CFAP69: variants seen among roughly 807,000 people sequenced by gnomAD.
CFAP69 encodes the protein cilia and flagella associated protein 69.
CFAP69 carries 92 observed loss-of-function variants against 123.0 expected under a neutral mutation model. That is an observed-to-expected ratio of 0.75 (90% CI 0.63 to 0.89). The LOEUF is 0.89. Ranked by LOEUF, CFAP69 falls within the 40% of genes least tolerant of loss-of-function variation. The pLI is 0.00. For missense variants in CFAP69, 1,067 were observed against 1,096.9 expected, an observed-to-expected ratio of 0.97 and a Z score of 0.39; for synonymous variants, 380 against 364.3, an observed-to-expected ratio of 1.04 and a Z score of -0.49.
rs765623543 is a variant in CFAP69, at chr7:90,309,389, A to G, written c.2655+22A>G. The G allele has an allele frequency of 1.7e-4, 216 of 1,303,304 alleles. 1 individual carries two copies. In the East Asian group the frequency reaches 4.9e-3, roughly 30 times the overall value. 80.7% of individuals were successfully genotyped at this position (1,303,304 alleles called of 1,614,324 possible). ...AACGGTAAGATTCTTTCTCCATAACATTTTCTTAATAGACATTAAATTTAG... is the reference window on the plus strand; with the variant it reads ...AACGGTAAGATTCTTTCTCCATAACGTTTTCTTAATAGACATTAAATTTAG... On this transcript the variant is annotated intron_variant, in intron 22 of 22. Coordinates refer to ENST00000389297, the MANE Select transcript of CFAP69 (RefSeq NM_001039706.3).
At chr7:90,303,750 T>C (rs1269512627) in intron 17 of CFAP69, 3 of 1,112,654 alleles carry the variant, frequency 2.7e-6, no homozygotes, top group Non-Finnish European at 3.3e-6. Context: ...ATATTTTACA[T>C]AAACAATAAA....
At chr7:90,321,250 T>A in the CFAP69 span, 1 of 152,274 alleles carries the variant, frequency 6.6e-6, no homozygotes, top group African/African-American at 2.4e-5. Flanking sequence ...TGGCACTGGC[T>A]CACCGCGGGT....
intron 3 of CFAP69, among the ~76,000 whole-genome samples, chr7:90,259,853 A>T (rs905978678): frequency 6.6e-6 from 1 of 152,110 alleles, no homozygotes; most frequent in Non-Finnish European, 1.5e-5. Context: ...CAAATATTAG[A>T]TTGTTATAAA....
downstream of CFAP69, among the ~76,000 whole-genome samples, chr7:90,313,574 GA>G (rs1794509492): frequency 6.6e-6 from 1 of 152,154 alleles, no homozygotes; most frequent in Non-Finnish European, 1.5e-5. Context: ...TATGAGTCTG[GA>G]GCATCTTACT....
At chr7:90,264,104 A>AATATATATAT (rs71104454) in intron 4 of CFAP69, among the ~76,000 whole-genome samples, 1 of 48,890 alleles carries the variant, frequency 2.0e-5, no homozygotes, top group Non-Finnish European at 4.0e-5. Context: ...AAAAAAAAAA[A>AATATATATAT]ATATATATAT....
intron 15 of CFAP69, among the ~76,000 whole-genome samples, chr7:90,297,175 T>G (rs1792111449): frequency 6.6e-6 from 1 of 152,220 alleles, no homozygotes; most frequent in Non-Finnish European, 1.5e-5. Flanking sequence ...ATTTGGTATC[T>G]CATTGCTGTG....
chr7:90,309,344 C>T lies in CFAP69; in HGVS notation c.2632C>T (p.His878Tyr). The T allele has an allele frequency of 1.3e-6, 2 of 1,583,930 alleles. No homozygotes were observed. The highest frequency in any genetic ancestry group is 1.7e-6 in the Non-Finnish European group (2 of 1,161,348). The change falls in exon 22 of 23, where the codon CAT (histidine) becomes TAT (tyrosine). Residue 878 changes from histidine to tyrosine, a missense_variant. Coordinates refer to ENST00000389297, the MANE Select transcript of CFAP69 (RefSeq NM_001039706.3). ...ACAAAATGCAATATTTCACCAAACACATATTAAAGGCCTTAACACAACGGT... is the reference window on the plus strand; with the variant it reads ...ACAAAATGCAATATTTCACCAAACATATATTAAAGGCCTTAACACAACGGT... Reference protein sequence around the residue: ...RPQNAIFHQTHIKGLNTTVPS... With the variant: ...RPQNAIFHQTYIKGLNTTVPS...
At chr7:90,290,765 CTTTTCTTTT>C in intron 15 of CFAP69, among the ~76,000 whole-genome samples, 1 of 75,772 alleles carries the variant, frequency 1.3e-5, no homozygotes, top group South Asian at 4.5e-4. Context: ...CTTTTCTTTT[CTTTTCTTTT>C]CTTTTCTTTT....
intron 1 of CFAP69, among the ~76,000 whole-genome samples, chr7:90,252,359 T>C (rs1797133337): frequency 6.6e-6 from 1 of 152,188 alleles, no homozygotes; most frequent in African/African-American, 2.4e-5. Context: ...GTAAATCCTT[T>C]TTAAAATTAT....
intron 17 of CFAP69, chr7:90,302,486 G>A (rs202004735): frequency 2.0e-5 from 3 of 152,150 alleles, no homozygotes; most frequent in Non-Finnish European, 4.4e-5. Flanking sequence ...TCCAACTTGA[G>A]TTGATTTTTG....
rs144980991 is a variant in CFAP69, at chr7:90,309,339, A to G, written c.2627A>G (p.Gln876Arg). Residue 876 changes from glutamine to arginine, a missense_variant, in exon 22 of 23, where the codon CAA (glutamine) becomes CGA (arginine). Physicochemically the swap from Gln to Arg is conservative, Grantham distance 43. Coordinates refer to ENST00000389297, the MANE Select transcript of CFAP69 (RefSeq NM_001039706.3). The part of the protein sequence containing the change: ...HKRPQNAIFH[Q>R]THIKGLNTTV... ...CGACCACAAAATGCAATATTTCACC[A>G]AACACATATTAAAGGCCTTAACACA... The G allele has an allele frequency of 1.9e-4, 300 of 1,590,296 alleles. No individual in the cohort carries two copies. In the African/African-American group the frequency reaches 3.6e-3, roughly 19 times the overall value.
At chr7:90,316,393 A>G in the CFAP69 span, 1 of 152,220 alleles carries the variant, frequency 6.6e-6, no homozygotes, top group African/African-American at 2.4e-5. Context: ...GAATAGGACA[A>G]AAGAGAAATA....
At chr7:90,301,420 G>C (rs987890111) in intron 17 of CFAP69, 1 of 151,696 alleles carries the variant, frequency 6.6e-6, no homozygotes, top group African/African-American at 2.4e-5. Flanking sequence ...AGATTATTTT[G>C]TCACCCAGGT....
intron 15 of CFAP69, among the ~76,000 whole-genome samples, chr7:90,291,408 C>T: frequency 6.6e-6 from 1 of 152,084 alleles, no homozygotes; most frequent in South Asian, 2.1e-4. Context: ...ATGAGTTTTA[C>T]CTGGCTTATT....
chr7:90,262,433 A>T (rs951610113), intron 4 of CFAP69, among the ~76,000 whole-genome samples: 3 of 152,122 alleles, frequency 2.0e-5, no homozygotes, highest in Non-Finnish European at 4.4e-5. Context: ...AGTCTCAAAG[A>T]TATATTAGGT....
rs755639777 is a variant in CFAP69, at chr7:90,258,156, A to G, written c.239A>G (p.Asn80Ser). 1.3e-6 allele frequency: 2 copies of G among 1,595,026 alleles called. No homozygotes were observed. Among genetic ancestry groups the G allele is most frequent in the East Asian group, 2.2e-5 (1 of 44,648 alleles). ...FVKKLVQCYQNGLPLRDLAQI... is the reference protein window; with the variant it reads ...FVKKLVQCYQSGLPLRDLAQI... The stretch of plus-strand genomic sequence containing the variant: ...AAGAAACTGGTACAGTGTTATCAGA[A>G]TGGACTTGTATCCTTTACATATATA... Residue 80 changes from asparagine to serine, a missense_variant, in exon 3 of 23, where the codon AAT becomes AGT. Physicochemically the swap from Asn to Ser is conservative, Grantham distance 46 (BLOSUM62 1). Transcript: ENST00000389297.
At chr7:90,300,353 TATAG>T in intron 17 of CFAP69, 7 of 907,034 alleles carry the variant, frequency 7.7e-6, no homozygotes, top group Non-Finnish European at 9.3e-6. Context: ...TTTCTGCTTT[TATAG>T]ATAGATTCAA....
At position 90,286,279 on chromosome 7, in the gene CFAP69, A is replaced by C. The variant is rs1790264608; in HGVS notation, c.1538-2A>C. ...TACAGTCTTTAAATGTTTTCATACC[A>C]GGAATCTTTAAAAATATAATAAGCA... On this transcript the variant is annotated splice_acceptor_variant, in intron 13 of 22. Coordinates refer to ENST00000389297, the MANE Select transcript of CFAP69 (RefSeq NM_001039706.3). LOFTEE classifies it high-confidence loss of function. 6.3e-6 allele frequency: 10 copies of C among 1,591,690 alleles called. No homozygotes were observed. Among genetic ancestry groups the C allele is most frequent in the Non-Finnish European group, 6.9e-6 (8 of 1,165,852 alleles).
intron 2 of CFAP69, among the ~76,000 whole-genome samples, chr7:90,257,019 T>G (rs1797731785): frequency 6.6e-6 from 1 of 152,214 alleles, no homozygotes; most frequent in Admixed American, 6.5e-5. Flanking sequence ...AAATTTGTCT[T>G]CTAACACCAC....
Sources: allele counts gnomAD v4.1 joint callset (sites outside exome capture counted in the v4.1 genomes callset), GRCh38; gene constraint gnomAD v4.1.1; transcripts MANE v1.5; gene names NCBI Gene and HGNC (gene_info 2026-07-23, HGNC 2026-07-21).